The following CASP8 variants were observed in gnomAD, a reference collection of about 807,000 sequenced individuals.
The protein encoded by CASP8 is caspase 8.
CASP8 carries 24 observed loss-of-function variants against 46.3 expected under a neutral mutation model. The ratio of observed to expected loss-of-function variants is 0.52; its 90% CI spans 0.38 to 0.73. The LOEUF is 0.73. Among genes scored for constraint, CASP8 ranks in the 30% least tolerant of loss-of-function variants. The pLI is 0.00. For missense variants in CASP8, 460 were observed against 559.0 expected, an observed-to-expected ratio of 0.82 and a Z score of 1.79; for synonymous variants, 188 against 200.4, an observed-to-expected ratio of 0.94 and a Z score of 0.52.
chr2:201,282,979 C>G (rs1949209910), intron 7 of CASP8, among the ~76,000 whole-genome samples: 1 of 70,910 alleles, frequency 1.4e-5, no homozygotes, highest in African/African-American at 4.2e-5. Context: ...GACGGGGCGG[C>G]TGGCCGGGCG....
intron 7 of CASP8, among the ~76,000 whole-genome samples, 154 bp from the exon 8 acceptor site, chr2:201,284,662 G>C (rs1949439653): frequency 2.8e-5 from 1 of 35,222 alleles, no homozygotes; most frequent in Non-Finnish European, 9.4e-5. Flanking sequence ...GAGAGGGAGA[G>C]GGAGACGGGG....
chr2:201,261,182 G>A (rs1469676169), intron 1 of CASP8, among the ~76,000 whole-genome samples: 1 of 152,046 alleles, frequency 6.6e-6, no homozygotes, highest in South Asian at 2.1e-4. Flanking sequence ...ACCTGAGGTC[G>A]GGAGTTTGAG....
chr2:201,260,060 G>T (rs772567186), upstream of CASP8, among the ~76,000 whole-genome samples: 1 of 150,044 alleles, frequency 6.7e-6, no homozygotes, highest in Admixed American at 6.6e-5. Context: ...GATGCTCCTT[G>T]GCTAAACCAG....
chr2:201,247,307 C>G (rs769710273), intron 2 of CASP8, among the ~76,000 whole-genome samples: 4 of 150,162 alleles, frequency 2.7e-5, no homozygotes, highest in Non-Finnish European at 5.9e-5. Flanking sequence ...CAGGGTGAGA[C>G]TTTTCTTTTA....
chr2:201,236,427 C>A (rs528764070), intron 2 of CASP8, among the ~76,000 whole-genome samples: 38 of 152,182 alleles, frequency 2.5e-4, no homozygotes, highest in African/African-American at 8.4e-4. Flanking sequence ...AAATTCCTGA[C>A]GCCATGAAGT....
intron 2 of CASP8, among the ~76,000 whole-genome samples, chr2:201,244,346 A>G (rs1236940556): frequency 6.6e-6 from 1 of 152,246 alleles, no homozygotes; most frequent in African/African-American, 2.4e-5. Context: ...AGGCATATCA[A>G]TGAATTTAGT....
At chr2:201,280,162 T>G (rs1238286717) in intron 7 of CASP8, among the ~76,000 whole-genome samples, 1 of 152,124 alleles carries the variant, frequency 6.6e-6, no homozygotes, top group Non-Finnish European at 1.5e-5. Context: ...GCAAGTCTCC[T>G]TGAAAATTAA....
At chr2:201,279,927 T>C (rs1313452790) in intron 7 of CASP8, among the ~76,000 whole-genome samples, 4 of 152,114 alleles carry the variant, frequency 2.6e-5, no homozygotes, top group Non-Finnish European at 5.9e-5. Flanking sequence ...CACTCCAGCC[T>C]GGGTGACAGA....
At chr2:201,246,233 T>C in intron 2 of CASP8, among the ~76,000 whole-genome samples, 1 of 152,232 alleles carries the variant, frequency 6.6e-6, no homozygotes, top group East Asian at 1.9e-4. Flanking sequence ...CAGTCTGGCA[T>C]GTGTGGGAAT....
upstream of CASP8, among the ~76,000 whole-genome samples, chr2:201,256,023 G>T (rs1947002385): frequency 6.6e-6 from 1 of 152,206 alleles, no homozygotes; most frequent in Admixed American, 6.5e-5. Flanking sequence ...CTTCCAAAGT[G>T]CTGGGATTAC....
In CASP8 at chr2:201,286,871, G is replaced by A. The variant is rs1282063671; in HGVS notation, c.*277G>A. 9 of 385,858 alleles carry A rather than the reference G, an allele frequency of 2.3e-5. No homozygotes were observed. The highest frequency in any genetic ancestry group is 6.6e-5 in the South Asian group (3 of 45,642). The allele number at this position is 385,858 out of a possible 1,614,324, so 23.9% of individuals were successfully genotyped here. A position where few individuals can be genotyped will look rare whatever the true frequency, so the allele number is the denominator to read the frequency against. The stretch of plus-strand genomic sequence containing the variant: ...CCTGACCTCGTGATCCACCCACCTC[G>A]GCCTCCCAAAGTGCTGGGATTACAG... On this transcript the variant is annotated 3_prime_UTR_variant, in exon 9 of 9. Transcript: ENST00000673742.
At chr2:201,250,265 A>G (rs777983077) in intron 2 of CASP8, among the ~76,000 whole-genome samples, 1 of 152,236 alleles carries the variant, frequency 6.6e-6, no homozygotes, top group Non-Finnish European at 1.5e-5. Flanking sequence ...CTTCCTGCAC[A>G]TGCTGCTTTT....
chr2:201,272,565 TAA>T lies in CASP8; in HGVS notation c.412-63_412-62del. 9.4e-6 allele frequency: 12 copies of T among 1,281,526 alleles called. No homozygotes were observed. Among genetic ancestry groups the T allele is most frequent in the South Asian group, 1.4e-5 (1 of 72,372 alleles). The allele number at this position is 1,281,526 out of a possible 1,614,324, so 79.4% of individuals were successfully genotyped here. The stretch of plus-strand genomic sequence containing the variant: ...GTCCTTGGTTGGAGAAATTGGAAAT[TAA>T]AAAAAAAAATCTAATCTAAAAACCA... On this transcript the variant is annotated intron_variant, in intron 3 of 8. Coordinates refer to ENST00000673742, the MANE Select transcript of CASP8 (RefSeq NM_001372051.1). This position sits in a 1 kb window ranked among gnomAD's most constrained non-coding sequence, Gnocchi z 4.4.
intron 7 of CASP8, among the ~76,000 whole-genome samples, chr2:201,278,770 G>A (rs1167073327): frequency 1.3e-5 from 2 of 152,144 alleles, no homozygotes; most frequent in Admixed American, 1.3e-4. Flanking sequence ...GACCTCAGGT[G>A]ATCCACTCGC....
At chr2:201,255,758 G>T (rs1166807913), upstream of CASP8, among the ~76,000 whole-genome samples, 2 of 152,072 alleles carry the variant, frequency 1.3e-5, no homozygotes, top group Non-Finnish European at 1.5e-5. Flanking sequence ...TTATTTATTT[G>T]TTTATTTATT....
chr2:201,237,651 AG>A (rs1349530003), intron 2 of CASP8, among the ~76,000 whole-genome samples: 1 of 152,154 alleles, frequency 6.6e-6, no homozygotes, highest in African/African-American at 2.4e-5. Flanking sequence ...ATATCCAGAC[AG>A]TTTTTTTCCC....
At chr2:201,239,663 C>T (rs545584566) in intron 2 of CASP8, among the ~76,000 whole-genome samples, 1 of 152,252 alleles carries the variant, frequency 6.6e-6, no homozygotes, top group South Asian at 2.1e-4. Context: ...TTCTTAGTGG[C>T]TACTTTCAGT....
chr2:201,244,590 A>G (rs1043459060), intron 2 of CASP8, among the ~76,000 whole-genome samples: 11 of 152,156 alleles, frequency 7.2e-5, no homozygotes, highest in African/African-American at 2.7e-4. Flanking sequence ...TCTTCTGTAC[A>G]TTGATATCCA....
chr2:201,257,923 C>T (rs1003676881), upstream of CASP8: 2 of 400,766 alleles, frequency 5.0e-6, no homozygotes, highest in Non-Finnish European at 9.4e-6. Flanking sequence ...AAAGCATGTC[C>T]AGCGCTCGGG....
Sources: allele counts gnomAD v4.1 joint callset (sites outside exome capture counted in the v4.1 genomes callset), GRCh38; gene constraint gnomAD v4.1.1; non-coding constraint Gnocchi (gnomAD v3.1); transcripts MANE v1.5; gene names NCBI Gene and HGNC (gene_info 2026-07-23, HGNC 2026-07-21).